ZFHX3: variants seen among roughly 807,000 people sequenced by gnomAD.
The protein encoded by ZFHX3 is zinc finger homeobox 3.
In ZFHX3, 42 loss-of-function variants were observed where a neutral mutation model predicts 279.1. The observed-to-expected ratio is 0.15, with a 90% confidence interval of 0.12 to 0.19. The LOEUF (loss-of-function observed/expected upper bound fraction) is 0.19. Ranked by LOEUF, ZFHX3 falls within the 10% of genes least tolerant of loss-of-function variation. The pLI is 1.00. For missense variants in ZFHX3, 4,981 were observed against 4,754.0 expected (o/e 1.05, Z -1.40); for synonymous variants, 2,293 against 1,957.8 (o/e 1.17, Z -4.52).
At chr16:72,844,612 A>G (rs1204550826) in intron 4 of ZFHX3, among the ~76,000 whole-genome samples, 1 of 151,934 alleles carries the variant, frequency 6.6e-6, no homozygotes, top group African/African-American at 2.4e-5. Flanking sequence ...ACAACTAATA[A>G]TGACTGACCT....
intron 3 of ZFHX3, among the ~76,000 whole-genome samples, chr16:73,380,283 A>T (rs1053687881): frequency 6.6e-6 from 1 of 152,192 alleles, no homozygotes; most frequent in Non-Finnish European, 1.5e-5. Flanking sequence ...TAAGAGTTGG[A>T]GGTATCCATA....
intron 4 of ZFHX3, among the ~76,000 whole-genome samples, chr16:72,885,762 G>A (rs2038607657): frequency 6.6e-6 from 1 of 152,176 alleles, no homozygotes; most frequent in Admixed American, 6.5e-5. Context: ...AGGAGAAGAG[G>A]AAAGGAGAAG....
At chr16:73,885,639 A>G (rs2030321862) in intron 1 of ZFHX3, among the ~76,000 whole-genome samples, 3 of 152,214 alleles carry the variant, frequency 2.0e-5, no homozygotes, top group Admixed American at 2.0e-4. Flanking sequence ...AGGTGATGGG[A>G]GAAGGGCTAC....
chr16:73,890,253 A>C (rs1249643921), intron 1 of ZFHX3, among the ~76,000 whole-genome samples: 15 of 145,096 alleles, frequency 1.0e-4, no homozygotes, highest in South Asian at 2.2e-4. Flanking sequence ...AAAAAAAAAA[A>C]ACAACAAAAA....
intron 1 of ZFHX3, among the ~76,000 whole-genome samples, chr16:73,875,957 T>C (rs916432312): frequency 1.3e-5 from 2 of 152,254 alleles, no homozygotes; most frequent in African/African-American, 4.8e-5. Context: ...TTAATGGAGA[T>C]ATTTTTCACT....
At chr16:73,286,211 G>A (rs991064570) in intron 4 of ZFHX3, among the ~76,000 whole-genome samples, 1 of 151,646 alleles carries the variant, frequency 6.6e-6, no homozygotes, top group Non-Finnish European at 1.5e-5. Flanking sequence ...CCTCCTGCAC[G>A]TCACACCCAT....
intron 3 of ZFHX3, among the ~76,000 whole-genome samples, chr16:73,403,705 G>C (rs1052065918): frequency 6.6e-6 from 1 of 152,190 alleles, no homozygotes; most frequent in African/African-American, 2.4e-5. Flanking sequence ...AAGGCTGGCC[G>C]GTGGCGAACA....
intron 3 of ZFHX3, among the ~76,000 whole-genome samples, chr16:73,397,040 C>T (rs1231179580): frequency 6.6e-6 from 1 of 152,218 alleles, no homozygotes; most frequent in African/African-American, 2.4e-5. Context: ...AAGCGGCTCT[C>T]TTGTGAGCAA....
intron 2 of ZFHX3, among the ~76,000 whole-genome samples, chr16:73,463,823 G>A (rs1030042214): frequency 1.3e-5 from 2 of 152,210 alleles, no homozygotes; most frequent in Non-Finnish European, 1.5e-5. Context: ...TACAGCAAGA[G>A]CAAGGGCAGC....
chr16:72,841,104 C>G (rs1433363690), intron 4 of ZFHX3, among the ~76,000 whole-genome samples: 3 of 152,170 alleles, frequency 2.0e-5, no homozygotes, highest in Non-Finnish European at 4.4e-5. Flanking sequence ...TCGTGGGGAG[C>G]CTTCAGGTGC....
intron 1 of ZFHX3, among the ~76,000 whole-genome samples, chr16:73,793,827 C>T (rs1959906741): frequency 6.6e-6 from 1 of 152,068 alleles, no homozygotes; most frequent in Non-Finnish European, 1.5e-5. Flanking sequence ...TGGCATGTGC[C>T]TTTTGAAAGG....
chr16:73,392,210 A>G (rs2017026929), intron 3 of ZFHX3, among the ~76,000 whole-genome samples: 1 of 151,910 alleles, frequency 6.6e-6, no homozygotes, highest in South Asian at 2.1e-4. Flanking sequence ...ACTTGAGGTC[A>G]GGAGTTCAAT....
chr16:73,020,579 G>T (rs1009350746), intron 1 of ZFHX3, among the ~76,000 whole-genome samples: 2 of 152,220 alleles, frequency 1.3e-5, no homozygotes, highest in Middle Eastern at 3.2e-3. Context: ...CCGTGGTGTT[G>T]ACTTTGGCAG....
chr16:73,859,316 A>G (rs1189513131), intron 1 of ZFHX3, among the ~76,000 whole-genome samples: 1 of 152,218 alleles, frequency 6.6e-6, no homozygotes, highest in Non-Finnish European at 1.5e-5. Flanking sequence ...AGTCAGAATT[A>G]ATTTAATTTT....
intron 5 of ZFHX3, among the ~76,000 whole-genome samples, chr16:73,187,215 AC>A (rs1967932465): frequency 2.0e-5 from 3 of 152,096 alleles, no homozygotes. Context: ...CATTAAATTA[AC>A]AACTTCTTTG....
At chr16:73,605,892 A>T (rs752210333) in intron 2 of ZFHX3, among the ~76,000 whole-genome samples, 1 of 152,074 alleles carries the variant, frequency 6.6e-6, no homozygotes, top group Non-Finnish European at 1.5e-5. Flanking sequence ...CATTTAAAAA[A>T]TCCATGCTGG....
At chr16:73,684,708 T>G (rs2053061095) in intron 1 of ZFHX3, among the ~76,000 whole-genome samples, 1 of 24,916 alleles carries the variant, frequency 4.0e-5, no homozygotes, top group Non-Finnish European at 1.8e-4. Context: ...TTTTTTTTTT[T>G]TTTTTTTTTG....
intron 3 of ZFHX3, among the ~76,000 whole-genome samples, chr16:73,360,598 C>T (rs1178223667): frequency 1.8e-4 from 28 of 152,210 alleles, no homozygotes. Flanking sequence ...CTTGGCCTAC[C>T]AAAGTGCTGG....
At chr16:73,653,944 A>G (rs111299347) in intron 2 of ZFHX3, among the ~76,000 whole-genome samples, 2,158 of 152,132 alleles carry the variant, frequency 0.014, 58 homozygotes, top group African/African-American at 0.049. Flanking sequence ...CAGCACTTTG[A>G]GAGGCCGAGG....
Sources: gnomAD v4.1 joint callset for allele counts (sites outside exome capture counted in the v4.1 genomes callset) on GRCh38, gnomAD v4.1.1 for gene constraint, MANE v1.5 for transcripts, NCBI Gene and HGNC (gene_info 2026-07-23, HGNC 2026-07-21) for gene names.